The following PDE11A variants were observed in gnomAD, a reference collection of about 807,000 sequenced individuals.
PDE11A encodes the protein dual 3',5'-cyclic-AMP and -GMP phosphodiesterase 11A.
In PDE11A, 100 loss-of-function variants were observed where a neutral mutation model predicts 100.5. The observed-to-expected ratio is 1.00, with a 90% CI of 0.85 to 1.18. The LOEUF is 1.18. Among genes scored for constraint, PDE11A ranks in the 50% most tolerant of loss-of-function variants. The probability of loss-of-function intolerance (pLI) is 0.00; values close to 1 mark genes in which losing one functional copy is unlikely to be tolerated. For missense variants in PDE11A, 1,141 were observed against 1,152.6 expected (o/e 0.99, Z 0.15); for synonymous variants, 381 against 420.8 (o/e 0.91, Z 1.16).
chr2:177,902,340 C>G (rs924555050), intron 3 of PDE11A, among the ~76,000 whole-genome samples: 1 of 152,170 alleles, frequency 6.6e-6, no homozygotes, highest in Non-Finnish European at 1.5e-5. Flanking sequence ...TCCCACCACC[C>G]TTTGCTGACT....
At position 177,663,897 on chromosome 2, in the gene PDE11A, C is replaced by A; in HGVS notation, c.2615G>T (p.Trp872Leu). ...CAAAGGCATGCAGATGCTATCAATC[C>A]ACTCCAGTTGCAACCGAGGCAGTTC... Reference protein sequence around the residue: ...KDELPRLQLEWIDSICMPLYQ... With the variant: ...KDELPRLQLELIDSICMPLYQ... The change falls in exon 19 of 20, where the codon TGG (tryptophan) becomes TTG (leucine). Residue 872 changes from tryptophan (W) to leucine (L), a missense_variant. By Grantham distance (61) the Trp-to-Leu change is moderately conservative. Transcript: ENST00000286063. 6.2e-7 allele frequency: 1 copy of A among 1,609,994 alleles called. No homozygotes were observed. Among genetic ancestry groups the A allele is most frequent in the Non-Finnish European group, 8.5e-7 (1 of 1,176,296 alleles).
chr2:177,870,136 T>A (rs1311283710), intron 5 of PDE11A, among the ~76,000 whole-genome samples: 1 of 152,208 alleles, frequency 6.6e-6, no homozygotes, highest in Non-Finnish European at 1.5e-5. Flanking sequence ...CCCGTGTAGA[T>A]GTATTTCAGT....
In PDE11A at chr2:177,905,160, C is replaced by G. The variant is rs1461930860; in HGVS notation, c.1099G>C (p.Gly367Arg). 1 of 1,606,982 alleles carries G rather than the reference C, an allele frequency of 6.2e-7. No homozygotes were observed. Among genetic ancestry groups the G allele is most frequent in the African/African-American group, 1.3e-5 (1 of 74,724 alleles). ...AGCTGAGCGTTAGATATGGCGATTCCACAAAATGGAAGATACATCTGCATA... is the reference window on the plus strand; with the variant it reads ...AGCTGAGCGTTAGATATGGCGATTCGACAAAATGGAAGATACATCTGCATA... ...KVMQMYLPFC[G>R]IAISNAQLFA... The change falls in exon 3 of 20, where the codon GGA (glycine) becomes CGA (arginine). Residue 367 changes from glycine to arginine, a missense_variant. Gly to Arg is a moderately radical substitution (Grantham distance 125). Transcript: ENST00000286063.
chr2:178,042,622 A>T (rs999046054), intron 1 of PDE11A, among the ~76,000 whole-genome samples: 4 of 152,330 alleles, frequency 2.6e-5, no homozygotes, highest in African/African-American at 9.6e-5. Context: ...AACTGGTGGC[A>T]AATTGAAAGA....
rs144422685 is a variant in PDE11A at position 177,674,790 on chromosome 2, G to A, written c.2487+665C>T. 5.3e-5 allele frequency among the ~76,000 whole-genome samples: 8 copies of A among 152,198 alleles called. No individual in the cohort carries two copies. In the East Asian group the frequency reaches 5.8e-4, roughly 11 times the overall value. On this transcript the variant is annotated intron_variant, in intron 17 of 19. Coordinates refer to ENST00000286063, the MANE Select transcript of PDE11A (RefSeq NM_016953.4). ...AAATGCATCTTATTTTCCCTAAAAC[G>A]TCAAGTCTTTAGATGCCAAGTTACT...
intron 3 of PDE11A, among the ~76,000 whole-genome samples, chr2:177,901,234 A>T (rs2084691602): frequency 6.6e-6 from 1 of 152,048 alleles, no homozygotes; most frequent in South Asian, 2.1e-4. Context: ...AAATTGGCTC[A>T]TCTGATCTTG....
At chr2:177,880,167 G>A (rs1298276075) in intron 4 of PDE11A, among the ~76,000 whole-genome samples, 1 of 152,174 alleles carries the variant, frequency 6.6e-6, no homozygotes, top group Non-Finnish European at 1.5e-5. Flanking sequence ...TTTGTCCTTG[G>A]CTCCTGAGAG....
intron 6 of PDE11A, among the ~76,000 whole-genome samples, chr2:177,823,470 C>T (rs761132339): frequency 7.9e-5 from 12 of 152,088 alleles, no homozygotes; most frequent in Non-Finnish European, 1.0e-4. Context: ...TCTGGCATTC[C>T]GCTCAGCACT....
At chr2:177,962,563 AAAG>A (rs2085648153) in intron 2 of PDE11A, among the ~76,000 whole-genome samples, 2 of 152,186 alleles carry the variant, frequency 1.3e-5, no homozygotes, top group South Asian at 4.1e-4. Context: ...AGATTTTATG[AAAG>A]TAATAAGCAG....
At chr2:178,093,311 T>A (rs1393045662) in intron 2 of PDE11A, among the ~76,000 whole-genome samples, 1 of 152,098 alleles carries the variant, frequency 6.6e-6, no homozygotes, top group African/African-American at 2.4e-5. Context: ...TGCAATCCAA[T>A]CTCTAATTTT....
chr2:177,913,444 T>A (rs1413936402), intron 2 of PDE11A, among the ~76,000 whole-genome samples: 1 of 152,150 alleles, frequency 6.6e-6, no homozygotes, highest in Non-Finnish European at 1.5e-5. Context: ...ATAAACACAT[T>A]TACTTTTTGC....
At chr2:177,631,369 T>G (rs1355222769) in intron 19 of PDE11A, among the ~76,000 whole-genome samples, 1 of 143,954 alleles carries the variant, frequency 6.9e-6, no homozygotes, top group Non-Finnish European at 1.5e-5. Flanking sequence ...TAATCCTAGC[T>G]ACTTGGGAGG....
rs192366746 is a variant in PDE11A, at chr2:177,629,015, T to C, written c.*392A>G. 3.4e-4 allele frequency: 77 copies of C among 223,416 alleles called. No homozygotes were observed. The highest frequency in any genetic ancestry group is 2.5e-3 in the South Asian group (35 of 13,860). The allele number at this position is 223,416 out of a possible 1,614,324, so 13.8% of individuals were successfully genotyped here. A position where few individuals can be genotyped will look rare whatever the true frequency, so the allele number is the denominator to read the frequency against. On this transcript the variant is annotated 3_prime_UTR_variant, in exon 20 of 20. Coordinates refer to ENST00000286063, the MANE Select transcript of PDE11A (RefSeq NM_016953.4). ...GCAAAGACAGGCAGTGTTTGGCTTG[T>C]AACAAACAGAAAAGCCCTATACAAA...
At chr2:177,908,034 A>G (rs1244542994) in intron 2 of PDE11A, among the ~76,000 whole-genome samples, 2 of 152,204 alleles carry the variant, frequency 1.3e-5, no homozygotes, top group Non-Finnish European at 2.9e-5. Flanking sequence ...GACTCTTTAC[A>G]AATCTTAACA....
chr2:177,991,747 T>C lies in PDE11A; in HGVS notation c.1071+22555A>G, dbSNP rs190065362. On this transcript the variant is annotated intron_variant, in intron 2 of 19. Coordinates refer to ENST00000286063, the MANE Select transcript of PDE11A (RefSeq NM_016953.4). Reference sequence around the variant, plus strand: ...CATCAAACAACTTTTTCATGGCTGGTCAGGATAGAATTCTTCTAGATTTTT... The same window carrying C: ...CATCAAACAACTTTTTCATGGCTGGCCAGGATAGAATTCTTCTAGATTTTT... 1.5e-4 allele frequency among the ~76,000 whole-genome samples: 22 copies of C among 150,918 alleles called. 1 individual carries two copies. The highest frequency in any genetic ancestry group is 3.1e-4 in the Non-Finnish European group (21 of 67,738).
At chr2:178,075,190 C>G (rs2087192093), upstream of PDE11A, among the ~76,000 whole-genome samples, 1 of 152,032 alleles carries the variant, frequency 6.6e-6, no homozygotes, top group African/African-American at 2.4e-5. Flanking sequence ...GAAAAAGTTA[C>G]TAGGACTTGG....
chr2:177,855,345 T>A (rs2083813338), intron 5 of PDE11A, among the ~76,000 whole-genome samples: 1 of 152,022 alleles, frequency 6.6e-6, no homozygotes, highest in Non-Finnish European at 1.5e-5. Flanking sequence ...TGCGCCTCCA[T>A]AAAAGCAGCG....
At chr2:177,677,997 T>C (rs1382501452) in intron 16 of PDE11A, 2 of 152,246 alleles carry the variant, frequency 1.3e-5, no homozygotes, top group Non-Finnish European at 2.9e-5. Flanking sequence ...GTTAAAGATA[T>C]ATTCAAATTG....
At position 177,840,366 on chromosome 2, in the gene PDE11A, T is replaced by C. The variant is rs1262801063; in HGVS notation, c.1385A>G (p.Glu462Gly). Residue 462 changes from glutamate to glycine, a missense_variant, in exon 6 of 20, where the codon GAG (glutamate) becomes GGG (glycine). Transcript: ENST00000286063. ...DAENSFKESMEKSSYSDWLIN... is the reference protein window; with the variant it reads ...DAENSFKESMGKSSYSDWLIN... ...TAGCCAGTCGGAGTATGATGATTTC[T>C]CCATGCTTTCTTTGAAACTATCAGA... is the stretch of plus-strand genomic sequence containing the variant. The C allele has an allele frequency of 4.3e-6, 7 of 1,613,838 alleles. No homozygotes were observed. The highest frequency in any genetic ancestry group is 5.9e-6 in the Non-Finnish European group (7 of 1,179,856).
Sources: allele counts gnomAD v4.1 joint callset (sites outside exome capture counted in the v4.1 genomes callset), GRCh38; gene constraint gnomAD v4.1.1; transcripts MANE v1.5; gene names NCBI Gene and HGNC (gene_info 2026-07-23, HGNC 2026-07-21).